The following LRGUK variants were observed in gnomAD, a reference collection of about 807,000 sequenced individuals.
The protein encoded by LRGUK is leucine-rich repeat and guanylate kinase domain-containing protein.
In LRGUK, 65 loss-of-function variants were observed where a neutral mutation model predicts 76.0. The observed-to-expected ratio is 0.85, with a 90% CI of 0.70 to 1.05. The LOEUF (loss-of-function observed/expected upper bound fraction) is 1.05, where lower values mean the gene tolerates loss of function less well. LRGUK is among the 50% of genes least tolerant of loss of function. The pLI, the probability that LRGUK is intolerant of heterozygous loss-of-function variation, is 0.00. For missense variants in LRGUK, 758 were observed against 732.8 expected, an observed-to-expected ratio of 1.03 and a Z score of -0.40; for synonymous variants, 268 against 265.6, an observed-to-expected ratio of 1.01 and a Z score of -0.09.
intron 15 of LRGUK, among the ~76,000 whole-genome samples, chr7:134,205,537 A>T (rs1800967943): frequency 1.3e-5 from 2 of 152,256 alleles, no homozygotes; most frequent in Non-Finnish European, 2.9e-5. Context: ...TGGGACCTCT[A>T]GAAATAAAAA....
At chr7:134,158,885 C>A (rs423455) in intron 6 of LRGUK, among the ~76,000 whole-genome samples, 128,659 of 152,152 alleles carry the variant, frequency 0.85, 54,879 homozygotes, top group Non-Finnish European at 0.9. Context: ...AGGATTCTTT[C>A]TTCTCCTTTC....
At chr7:134,240,359 T>C (rs1016980273) in intron 16 of LRGUK, among the ~76,000 whole-genome samples, 2 of 152,168 alleles carry the variant, frequency 1.3e-5, no homozygotes, top group African/African-American at 4.8e-5. Flanking sequence ...AGTTCTTAAA[T>C]GACCTGATGG....
At chr7:134,199,947 CAT>C (rs1385300756) in intron 14 of LRGUK, among the ~76,000 whole-genome samples, 7 of 130,282 alleles carry the variant, frequency 5.4e-5, no homozygotes, top group Non-Finnish European at 8.1e-5. Context: ...TATTTTTACA[CAT>C]ATAAAATTTC....
chr7:134,178,430 G>C (rs1234476068), intron 9 of LRGUK, 73 bp from the exon 10 acceptor site: 3 of 1,172,846 alleles, frequency 2.6e-6, no homozygotes, highest in Non-Finnish European at 3.6e-6. Flanking sequence ...TTTCATTAAG[G>C]AAAAATCCAA....
At chr7:134,185,259 A>T (rs1254080764) in intron 11 of LRGUK, among the ~76,000 whole-genome samples, 1 of 152,180 alleles carries the variant, frequency 6.6e-6, no homozygotes, top group Admixed American at 6.5e-5. Context: ...ACTCCAACTG[A>T]GTTTAAAGAG....
intron 15 of LRGUK, among the ~76,000 whole-genome samples, chr7:134,218,559 A>G (rs1796837960): frequency 6.6e-6 from 1 of 152,184 alleles, no homozygotes; most frequent in South Asian, 2.1e-4. Flanking sequence ...TTGACCCCCA[A>G]ATGGTAAGTT....
chr7:134,200,055 G>A (rs1431640137), intron 14 of LRGUK, among the ~76,000 whole-genome samples: 1 of 131,744 alleles, frequency 7.6e-6, no homozygotes, highest in Non-Finnish European at 1.6e-5. Context: ...TTGAGATAGA[G>A]AGTCTCGCTC....
chr7:134,215,341 T>G (rs1801409359), intron 15 of LRGUK, among the ~76,000 whole-genome samples: 1 of 152,214 alleles, frequency 6.6e-6, no homozygotes, highest in Non-Finnish European at 1.5e-5. Context: ...TTCACAATTT[T>G]GTTTGCAACC....
the LRGUK span, among the ~76,000 whole-genome samples, chr7:134,274,122 G>A: frequency 1.3e-5 from 2 of 152,318 alleles, no homozygotes; most frequent in Non-Finnish European, 2.9e-5. Flanking sequence ...CACCAGCTCC[G>A]TGTAGTTGTT....
chr7:134,209,404 G>A (rs1801148548), exon 16 of LRGUK: 1 of 399,196 alleles, frequency 2.5e-6, no homozygotes, highest in Non-Finnish European at 4.4e-6. Context: ...CTCTGAAGGA[G>A]GAAACCTCCA....
intron 4 of LRGUK, among the ~76,000 whole-genome samples, 158 bp downstream of exon 4, chr7:134,143,320 C>A (rs1797845460): frequency 6.6e-6 from 1 of 152,140 alleles, no homozygotes; most frequent in South Asian, 2.1e-4. Flanking sequence ...TTTGTGTATA[C>A]TTTATTTTGG....
chr7:134,239,558 G>A (rs930010765), intron 16 of LRGUK, among the ~76,000 whole-genome samples: 8 of 152,202 alleles, frequency 5.3e-5, no homozygotes, highest in African/African-American at 1.7e-4. Flanking sequence ...TGGGAAGCTC[G>A]AACTGGGTGG....
chr7:134,219,214 T>C (rs1435011367), intron 15 of LRGUK, among the ~76,000 whole-genome samples: 1 of 152,204 alleles, frequency 6.6e-6, no homozygotes, highest in Non-Finnish European at 1.5e-5. Context: ...TACTAAGACA[T>C]TAGACAATAT....
rs980529289 is a variant in LRGUK, at chr7:134,255,922, G to C, written c.2199-2335G>C. ...GATGAGACAGCTGGGGAGGTCAAGAGCACGGTCTATAAATACTTCAATCAG... is the reference window on the plus strand; with the variant it reads ...GATGAGACAGCTGGGGAGGTCAAGACCACGGTCTATAAATACTTCAATCAG... On this transcript the variant is annotated intron_variant, in intron 18 of 19. Transcript: ENST00000285928. Among the ~76,000 whole-genome samples, 3 of 152,050 alleles carry C rather than the reference G, an allele frequency of 2.0e-5. No homozygotes were observed. The East Asian group carries it at 5.8e-4, about 29-fold the overall frequency.
At chr7:134,258,519 G>C in intron 19 of LRGUK, 114 bp downstream of exon 19, 1 of 952,166 alleles carries the variant, frequency 1.1e-6, no homozygotes, top group Non-Finnish European at 1.5e-6. Context: ...CCAAAATTGT[G>C]AAACCCCATC....
downstream of LRGUK, among the ~76,000 whole-genome samples, chr7:134,212,436 G>A (rs12707138): frequency 3.2e-4 from 48 of 152,312 alleles, no homozygotes; most frequent in Middle Eastern, 3.4e-3. Flanking sequence ...CTAAATGCCT[G>A]TGTAAATGTC....
intron 16 of LRGUK, among the ~76,000 whole-genome samples, chr7:134,222,315 G>T (rs1329770802): frequency 6.6e-6 from 1 of 152,202 alleles, no homozygotes; most frequent in Non-Finnish European, 1.5e-5. Context: ...AAGAGTCCGT[G>T]TTTTATAACT....
At chr7:134,233,922 G>A (rs1156661109) in intron 16 of LRGUK, among the ~76,000 whole-genome samples, 1 of 152,144 alleles carries the variant, frequency 6.6e-6, no homozygotes, top group Non-Finnish European at 1.5e-5. Context: ...GGACAGCTTT[G>A]AATGCAGCAC....
At chr7:134,212,261 G>A (rs1461743400), downstream of LRGUK, among the ~76,000 whole-genome samples, 1 of 152,180 alleles carries the variant, frequency 6.6e-6, no homozygotes, top group Non-Finnish European at 1.5e-5. Context: ...CTACTCCTAT[G>A]TATGGACACT....
Sources: gnomAD v4.1 joint callset for allele counts (sites outside exome capture counted in the v4.1 genomes callset) on GRCh38, gnomAD v4.1.1 for gene constraint, MANE v1.5 for transcripts, NCBI Gene and HGNC (gene_info 2026-07-23, HGNC 2026-07-21) for gene names.